The following ECHDC1 variants were observed in gnomAD, a reference collection of about 807,000 sequenced individuals.
ECHDC1 encodes ethylmalonyl-CoA decarboxylase 1, also known as ethylmalonyl-CoA decarboxylase.
ECHDC1 carries 29 observed loss-of-function variants against 29.7 expected under a neutral mutation model. The observed-to-expected ratio is 0.98, with a 90% CI of 0.73 to 1.33. ECHDC1 has a LOEUF of 1.33. Ranked by LOEUF, ECHDC1 falls within the 40% of genes most tolerant of loss-of-function variation. ECHDC1 has a pLI of 0.00. For missense variants in ECHDC1, 328 were observed against 350.0 expected (o/e 0.94, Z 0.50); for synonymous variants, 126 against 123.1 (o/e 1.02, Z -0.15).
intron 3 of ECHDC1, among the ~76,000 whole-genome samples, chr6:127,324,724 A>G (rs568653216): frequency 1.3e-5 from 2 of 152,226 alleles, no homozygotes; most frequent in Non-Finnish European, 2.9e-5. Context: ...TAGGGGAGTG[A>G]CAAAAGAAGA....
intron 2 of ECHDC1, among the ~76,000 whole-genome samples, chr6:127,330,256 A>G (rs560393888): frequency 9.1e-4 from 138 of 152,308 alleles, no homozygotes; most frequent in African/African-American, 3.2e-3. Flanking sequence ...ATATGCTAAG[A>G]GTGTTGACTA....
chr6:127,328,334 T>G (rs980813666), intron 2 of ECHDC1, among the ~76,000 whole-genome samples: 2 of 152,222 alleles, frequency 1.3e-5, no homozygotes, highest in Admixed American at 6.5e-5. Flanking sequence ...CATTGTAATG[T>G]AGTACAATGA....
intron 5 of ECHDC1, among the ~76,000 whole-genome samples, chr6:127,311,723 G>GAAAT (rs1562316340): frequency 3.5e-5 from 2 of 56,522 alleles, no homozygotes; most frequent in African/African-American, 6.0e-5. Context: ...AAGAAAGAAA[G>GAAAT]AAAGAAAACT....
chr6:127,293,958 G>A (rs1276059638), intron 5 of ECHDC1, among the ~76,000 whole-genome samples: 1 of 152,096 alleles, frequency 6.6e-6, no homozygotes, highest in East Asian at 1.9e-4. Context: ...GAGAGCACAA[G>A]AAATATTCAA....
intron 3 of ECHDC1, among the ~76,000 whole-genome samples, chr6:127,321,658 C>T (rs1394119664): frequency 6.6e-6 from 1 of 152,124 alleles, no homozygotes; most frequent in East Asian, 1.9e-4. Flanking sequence ...TCAGAGATTT[C>T]ATTAAAGGAT....
chr6:127,303,549 G>A (rs1781217991), intron 5 of ECHDC1, among the ~76,000 whole-genome samples: 2 of 152,178 alleles, frequency 1.3e-5, no homozygotes, highest in Admixed American at 6.5e-5. Context: ...GAGTGGTAAG[G>A]AAGCTGCAGA....
At chr6:127,318,029 T>A (rs1030390891) in intron 3 of ECHDC1, 1 of 152,190 alleles carries the variant, frequency 6.6e-6, no homozygotes, top group Non-Finnish European at 1.5e-5. Flanking sequence ...CTCTTAAATA[T>A]AATCTTCCAT....
At chr6:127,313,486 AGCCACCACGCCAG>A (rs563626132) in intron 5 of ECHDC1, 7 of 430,520 alleles carry the variant, frequency 1.6e-5, no homozygotes, top group South Asian at 1.1e-4. Context: ...AACAGGCATG[AGCCACCACGCCAG>A]GCTTAAAAGT....
intron 4 of ECHDC1, chr6:127,315,836 T>C (rs1782321361): frequency 2.4e-6 from 1 of 417,462 alleles, no homozygotes; most frequent in Admixed American, 3.0e-5. Context: ...TAAATAAGAA[T>C]TTCCTTACTT....
chr6:127,297,171 T>C lies in ECHDC1; in HGVS notation c.498-6894A>G, dbSNP rs76547443. Among the ~76,000 whole-genome samples the C allele has an allele frequency of 5.0e-3, 762 of 152,312 alleles. 4 individuals are homozygous for C. Among genetic ancestry groups the C allele is most frequent in the African/African-American group, 0.017 (725 of 41,558 alleles). ...GAATGCAAGACTTGTCTATCTCTTA[T>C]GGAAGAAAATTAGGCAATAATTAAT... On this transcript the variant is annotated intron_variant, in intron 5 of 5. Coordinates refer to ENST00000454859, the MANE Select transcript of ECHDC1 (RefSeq NM_001002030.2).
At chr6:127,311,224 T>A (rs1236751583) in intron 5 of ECHDC1, among the ~76,000 whole-genome samples, 1 of 152,134 alleles carries the variant, frequency 6.6e-6, no homozygotes, top group African/African-American at 2.4e-5. Context: ...TGACTATGTA[T>A]ATGGAACAAA....
At chr6:127,305,207 C>T (rs1781349550) in intron 5 of ECHDC1, among the ~76,000 whole-genome samples, 1 of 152,134 alleles carries the variant, frequency 6.6e-6, no homozygotes, top group Non-Finnish European at 1.5e-5. Flanking sequence ...CACAATTAAG[C>T]TCCAATATGT....
At chr6:127,323,699 A>G (rs1296494532) in intron 3 of ECHDC1, among the ~76,000 whole-genome samples, 1 of 152,144 alleles carries the variant, frequency 6.6e-6, no homozygotes, top group Non-Finnish European at 1.5e-5. Flanking sequence ...TCTTCCTCAC[A>G]TGTGCAAATA....
intron 5 of ECHDC1, 72 bp downstream of exon 5, chr6:127,314,744 A>G: frequency 8.6e-7 from 1 of 1,164,828 alleles, no homozygotes; most frequent in Admixed American, 2.2e-5. Flanking sequence ...TAAAATATTG[A>G]TATTAAGGCA....
rs375598259 is a variant in ECHDC1, at chr6:127,330,895, G to C, written c.134C>G (p.Pro45Arg). ...EEVKKTLQQFPGGSIDLQKED... is the reference protein window; with the variant it reads ...EEVKKTLQQFRGGSIDLQKED... ...CTTCTGAAGGTCAATGGATCCACCAGGAAACTGCTGAAGTGTTTTTTTCAC... is the reference window on the plus strand; with the variant it reads ...CTTCTGAAGGTCAATGGATCCACCACGAAACTGCTGAAGTGTTTTTTTCAC... Residue 45 changes from proline to arginine, a missense_variant, in exon 2 of 6, where the codon CCT (proline) becomes CGT (arginine). Physicochemically the swap from Pro to Arg is moderately radical, Grantham distance 103. Coordinates refer to ENST00000454859, the MANE Select transcript of ECHDC1 (RefSeq NM_001002030.2). 1 of 1,613,978 alleles carries C rather than the reference G, an allele frequency of 6.2e-7. No homozygotes were observed.
chr6:127,309,869 A>C (rs1781760129), intron 5 of ECHDC1, among the ~76,000 whole-genome samples: 1 of 152,148 alleles, frequency 6.6e-6, no homozygotes, highest in Admixed American at 6.6e-5. Flanking sequence ...AGTGCTACAC[A>C]CTTTTAAACC....
At chr6:127,317,638 T>C (rs192804464) in intron 3 of ECHDC1, among the ~76,000 whole-genome samples, 2 of 152,292 alleles carry the variant, frequency 1.3e-5, no homozygotes, top group African/African-American at 2.4e-5. Flanking sequence ...AAGTGTTCTG[T>C]GTTAGTGGAA....
At chr6:127,308,567 T>TA (rs1319134674) in intron 5 of ECHDC1, among the ~76,000 whole-genome samples, 4 of 152,104 alleles carry the variant, frequency 2.6e-5, no homozygotes, top group African/African-American at 9.7e-5. Context: ...GGGGAAAAGG[T>TA]AAAAGCCTTC....
intron 5 of ECHDC1, among the ~76,000 whole-genome samples, chr6:127,309,761 C>G (rs1582955897): frequency 6.6e-6 from 1 of 152,252 alleles, no homozygotes; most frequent in East Asian, 1.9e-4. Context: ...GGAAGCATGG[C>G]TGGGGAGGCC....
Sources: allele counts gnomAD v4.1 joint callset (sites outside exome capture counted in the v4.1 genomes callset), GRCh38; gene constraint gnomAD v4.1.1; transcripts MANE v1.5; gene names NCBI Gene and HGNC (gene_info 2026-07-23, HGNC 2026-07-21).